STXBP5L: variants seen among roughly 807,000 people sequenced by gnomAD.
The protein encoded by STXBP5L is syntaxin-binding protein 5-like.
A neutral mutation model predicts 144.5 loss-of-function variants in STXBP5L; 65 were observed. The ratio of observed to expected loss-of-function variants is 0.45; its 90% CI spans 0.37 to 0.55. The LOEUF (loss-of-function observed/expected upper bound fraction) is 0.55, where lower values mean the gene tolerates loss of function less well. STXBP5L is among the 20% of genes least tolerant of loss of function. STXBP5L has a pLI of 0.00. For missense variants in STXBP5L, 1,298 were observed against 1,405.5 expected (o/e 0.92, Z 1.22); for synonymous variants, 505 against 469.6 (o/e 1.08, Z -0.97).
At chr3:121,185,239 C>T (rs2047327723) in intron 9 of STXBP5L, among the ~76,000 whole-genome samples, 1 of 152,182 alleles carries the variant, frequency 6.6e-6, no homozygotes, top group African/African-American at 2.4e-5. Context: ...GTCTCCCATT[C>T]TGTAGGTTGC....
intron 11 of STXBP5L, among the ~76,000 whole-genome samples, chr3:121,226,661 G>A (rs1314851009): frequency 6.6e-6 from 1 of 152,158 alleles, no homozygotes; most frequent in Non-Finnish European, 1.5e-5. Flanking sequence ...CCAAATGTTA[G>A]AGGATCTTAG....
In STXBP5L at chr3:121,362,892, T is replaced by C. The variant is rs116433442; in HGVS notation, c.2177-15824T>C. ...AGGGGTTCATCCAAGGCCCTTAACA[T>C]TGCACCTGGATATTGCTGCTGGTTA... On this transcript the variant is annotated intron_variant, in intron 20 of 26. Coordinates refer to ENST00000471454, the MANE Select transcript of STXBP5L (RefSeq NM_001308330.2). Among the ~76,000 whole-genome samples, 703 of 152,232 alleles carry C rather than the reference T, an allele frequency of 4.6e-3. 6 individuals are homozygous for C. The highest frequency in any genetic ancestry group is 0.016 in the African/African-American group (664 of 41,526).
intron 5 of STXBP5L, among the ~76,000 whole-genome samples, chr3:121,067,449 G>C (rs575551293): frequency 6.6e-6 from 1 of 152,040 alleles, no homozygotes; most frequent in Non-Finnish European, 1.5e-5. Context: ...TCTATCTCTT[G>C]TTAGTAAAAA....
chr3:121,387,237 CT>C (rs2046448435), intron 22 of STXBP5L, among the ~76,000 whole-genome samples: 1 of 152,134 alleles, frequency 6.6e-6, no homozygotes, highest in African/African-American at 2.4e-5. Context: ...CCTTTGCCCA[CT>C]TTTTGATGGG....
chr3:121,272,217 A>G (rs2050753903), intron 18 of STXBP5L, among the ~76,000 whole-genome samples: 2 of 152,286 alleles, frequency 1.3e-5, no homozygotes, highest in South Asian at 4.1e-4. Context: ...GTTGAAAGTG[A>G]GAGTGTTGAA....
At chr3:121,395,634 A>G (rs571552898) in intron 22 of STXBP5L, among the ~76,000 whole-genome samples, 10 of 152,248 alleles carry the variant, frequency 6.6e-5, no homozygotes, top group Non-Finnish European at 1.5e-4. Flanking sequence ...ACATCTAGGC[A>G]TTATTGCCAG....
chr3:121,185,137 A>G (rs1380249892), intron 9 of STXBP5L, among the ~76,000 whole-genome samples: 1 of 152,170 alleles, frequency 6.6e-6, no homozygotes, highest in African/African-American at 2.4e-5. Context: ...GACACTCTGA[A>G]GAAACTGCAA....
intron 3 of STXBP5L, among the ~76,000 whole-genome samples, chr3:120,958,321 C>T (rs1357892885): frequency 6.6e-6 from 1 of 152,106 alleles, no homozygotes; most frequent in Non-Finnish European, 1.5e-5. Context: ...CCGAATTCTA[C>T]CAGAGGTACA....
At chr3:121,263,414 C>A (rs2050449719) in intron 18 of STXBP5L, among the ~76,000 whole-genome samples, 1 of 152,066 alleles carries the variant, frequency 6.6e-6, no homozygotes, top group Non-Finnish European at 1.5e-5. Flanking sequence ...GCCTCTTCTC[C>A]TCTAAATCAT....
At chr3:121,007,793 G>T (rs1576645103) in intron 3 of STXBP5L, among the ~76,000 whole-genome samples, 1 of 152,006 alleles carries the variant, frequency 6.6e-6, no homozygotes, top group Admixed American at 6.6e-5. Flanking sequence ...AAATTGTAAT[G>T]GTCAAAAGAA....
intron 7 of STXBP5L, among the ~76,000 whole-genome samples, chr3:121,135,271 T>C (rs2107915010): frequency 6.6e-6 from 1 of 152,336 alleles, no homozygotes; most frequent in South Asian, 2.1e-4. Context: ...TCTTTTCTTG[T>C]AAATTTGTTT....
chr3:121,298,623 C>A (rs573082496), intron 19 of STXBP5L, among the ~76,000 whole-genome samples: 1 of 152,224 alleles, frequency 6.6e-6, no homozygotes, highest in Non-Finnish European at 1.5e-5. Context: ...GATGAGCCTT[C>A]AGGACATTAC....
chr3:121,366,309 C>A (rs1166231387), intron 20 of STXBP5L, among the ~76,000 whole-genome samples: 2 of 151,838 alleles, frequency 1.3e-5, no homozygotes, highest in African/African-American at 2.4e-5. Flanking sequence ...TTTTCTCTTA[C>A]TTCTGTCTGG....
chr3:121,140,022 C>T (rs1023074218), intron 7 of STXBP5L, among the ~76,000 whole-genome samples: 2 of 152,042 alleles, frequency 1.3e-5, no homozygotes, highest in South Asian at 4.1e-4. Flanking sequence ...GGAAGAATGA[C>T]ATGAAACACT....
chr3:120,936,342 C>G (rs1710263669), intron 2 of STXBP5L, among the ~76,000 whole-genome samples: 1 of 152,106 alleles, frequency 6.6e-6, no homozygotes, highest in Non-Finnish European at 1.5e-5. Context: ...TTGACACTTG[C>G]TGTCTCTACA....
intron 3 of STXBP5L, among the ~76,000 whole-genome samples, chr3:120,961,576 A>G (rs1418857523): frequency 6.6e-6 from 1 of 152,196 alleles, no homozygotes; most frequent in South Asian, 2.1e-4. Flanking sequence ...TTCCAGCTTC[A>G]TCCATGTCCC....
At chr3:121,379,381 G>A (rs990339800) in intron 21 of STXBP5L, among the ~76,000 whole-genome samples, 10 of 151,996 alleles carry the variant, frequency 6.6e-5, no homozygotes, top group Non-Finnish European at 1.3e-4. Context: ...AGTGTGGGGC[G>A]GTGGGGTAGG....
chr3:121,395,526 A>G (rs2046707233), intron 22 of STXBP5L, among the ~76,000 whole-genome samples: 1 of 152,194 alleles, frequency 6.6e-6, no homozygotes, highest in Admixed American at 6.5e-5. Context: ...TTGTTTACAA[A>G]TAGGTTTTTG....
At chr3:121,315,951 C>T (rs13096750) in intron 19 of STXBP5L, among the ~76,000 whole-genome samples, 141 of 150,140 alleles carry the variant, frequency 9.4e-4, no homozygotes, top group Non-Finnish European at 1.8e-3. Flanking sequence ...TGCAGTGAGC[C>T]GAGATTGCAC....
Sources: gnomAD v4.1 joint callset for allele counts (sites outside exome capture counted in the v4.1 genomes callset) on GRCh38, gnomAD v4.1.1 for gene constraint, MANE v1.5 for transcripts, NCBI Gene and HGNC (gene_info 2026-07-23, HGNC 2026-07-21) for gene names.